The following ERBB4 variants were observed in gnomAD, a reference collection of about 807,000 sequenced individuals.
ERBB4 encodes the protein receptor tyrosine-protein kinase erbB-4.
Under a neutral mutation model 158.0 loss-of-function variants are expected in ERBB4, and 42 were observed. The observed-to-expected ratio is 0.27, with a 90% CI of 0.21 to 0.34. ERBB4 has a LOEUF of 0.34. Among genes scored for constraint, ERBB4 ranks in the 10% least tolerant of loss-of-function variants. ERBB4 has a pLI of 1.00. For missense variants in ERBB4, 1,333 were observed against 1,624.1 expected (o/e 0.82, Z 3.08); for synonymous variants, 583 against 558.7 (o/e 1.04, Z -0.61).
intron 1 of ERBB4, among the ~76,000 whole-genome samples, chr2:212,430,633 G>A (rs537208828): frequency 2.8e-4 from 42 of 151,858 alleles, no homozygotes; most frequent in African/African-American, 9.9e-4. Flanking sequence ...GTAGAGATGG[G>A]GTTTCACCAT....
intron 2 of ERBB4, among the ~76,000 whole-genome samples, chr2:212,003,194 A>ACGG (rs2076165783): frequency 2.8e-5 from 2 of 70,442 alleles, no homozygotes; most frequent in Admixed American, 1.6e-4. Context: ...AGAAAGAAAG[A>ACGG]AAGAAAGAAA....
At chr2:212,049,625 G>C (rs1293627241) in intron 2 of ERBB4, among the ~76,000 whole-genome samples, 1 of 152,068 alleles carries the variant, frequency 6.6e-6, no homozygotes, top group African/African-American at 2.4e-5. Context: ...AATGACATTT[G>C]TTTAAATAAA....
chr2:211,448,200 T>C (rs2064158682), intron 20 of ERBB4, among the ~76,000 whole-genome samples: 1 of 152,114 alleles, frequency 6.6e-6, no homozygotes. Flanking sequence ...CTCAAACTCC[T>C]GACCTCAAGT....
chr2:212,251,094 G>A (rs2084515508), intron 1 of ERBB4, among the ~76,000 whole-genome samples: 1 of 151,910 alleles, frequency 6.6e-6, no homozygotes, highest in Non-Finnish European at 1.5e-5. Context: ...CAAATTTTCT[G>A]AGTTGAAAAC....
At chr2:211,517,825 A>G (rs1224359036) in intron 20 of ERBB4, among the ~76,000 whole-genome samples, 1 of 152,108 alleles carries the variant, frequency 6.6e-6, no homozygotes, top group Non-Finnish European at 1.5e-5. Flanking sequence ...CACAAAATAG[A>G]GGAGGTAGAT....
At chr2:212,252,968 T>G (rs961020533) in intron 1 of ERBB4, among the ~76,000 whole-genome samples, 1 of 152,122 alleles carries the variant, frequency 6.6e-6, no homozygotes, top group Non-Finnish European at 1.5e-5. Context: ...GTGGGAAAAT[T>G]TGCATAACAT....
At chr2:211,943,236 A>C (rs2080555661) in intron 3 of ERBB4, among the ~76,000 whole-genome samples, 2 of 152,100 alleles carry the variant, frequency 1.3e-5, no homozygotes, top group African/African-American at 2.4e-5. Flanking sequence ...AATTCCTTTT[A>C]GGGTTTGGCC....
chr2:212,267,231 T>TA (rs2085168955), intron 1 of ERBB4, among the ~76,000 whole-genome samples: 1 of 152,092 alleles, frequency 6.6e-6, no homozygotes, highest in Admixed American at 6.6e-5. Flanking sequence ...ATAATGTTTG[T>TA]AAAATCAGAA....
chr2:212,221,192 T>A (rs962227677), intron 1 of ERBB4, among the ~76,000 whole-genome samples: 2 of 151,484 alleles, frequency 1.3e-5, no homozygotes, highest in African/African-American at 4.8e-5. Flanking sequence ...TTTATAGTGT[T>A]AGGGGCCACA....
chr2:212,080,936 C>T (rs2078424632), intron 2 of ERBB4, among the ~76,000 whole-genome samples: 1 of 152,140 alleles, frequency 6.6e-6, no homozygotes, highest in African/African-American at 2.4e-5. Context: ...TGATAGGTCA[C>T]TTAAAGGTGT....
chr2:211,746,458 G>T (rs933321026), intron 5 of ERBB4, among the ~76,000 whole-genome samples: 1 of 152,094 alleles, frequency 6.6e-6, no homozygotes, highest in African/African-American at 2.4e-5. Context: ...CACGTCTGAT[G>T]ATTTGATACA....
At chr2:211,849,211 T>C (rs1170336422) in intron 3 of ERBB4, among the ~76,000 whole-genome samples, 1 of 151,996 alleles carries the variant, frequency 6.6e-6, no homozygotes, top group African/African-American at 2.4e-5. Context: ...TTATAAATAG[T>C]ATGCATATAT....
In ERBB4 at chr2:211,831,969, T is replaced by C. The variant is rs755802017; in HGVS notation, c.422-43810A>G. Among the ~76,000 whole-genome samples, 8 of 152,190 alleles carry C rather than the reference T, an allele frequency of 5.3e-5. No individual in the cohort carries two copies. The South Asian group carries it at 1.2e-3, about 24-fold the overall frequency. The stretch of plus-strand genomic sequence containing the variant: ...TAAATCATCCATTTGTATTTCTTTT[T>C]AACTAGAAACTAGACCAGAAGTTCT... On this transcript the variant is annotated intron_variant, in intron 3 of 27. Coordinates refer to ENST00000342788, the MANE Select transcript of ERBB4 (RefSeq NM_005235.3).
chr2:212,152,105 C>G (rs916560108), intron 1 of ERBB4, among the ~76,000 whole-genome samples: 1 of 151,922 alleles, frequency 6.6e-6, no homozygotes, highest in African/African-American at 2.4e-5. Context: ...TCATAAGGCT[C>G]TATTGTTTTT....
chr2:211,978,388 G>GTCTTTCTATCTATCTATCTA (rs1230858327), intron 2 of ERBB4, among the ~76,000 whole-genome samples: 1 of 112,394 alleles, frequency 8.9e-6, no homozygotes. Context: ...CTGTCTGTCT[G>GTCTTTCTATCTATCTATCTA]TCTGTCTGTC....
At chr2:212,374,668 A>G (rs1002179563) in intron 1 of ERBB4, among the ~76,000 whole-genome samples, 6 of 152,030 alleles carry the variant, frequency 3.9e-5, no homozygotes, top group African/African-American at 1.4e-4. Flanking sequence ...GTGCCATAAG[A>G]CAAGTGAGAT....
At chr2:212,520,925 ATTCC>A (rs1248155899) in intron 1 of ERBB4, among the ~76,000 whole-genome samples, 3 of 151,944 alleles carry the variant, frequency 2.0e-5, no homozygotes, top group African/African-American at 7.2e-5. Flanking sequence ...CCTTTACCTG[ATTCC>A]TTAATAAATG....
At chr2:211,643,703 T>C (rs938042648) in intron 16 of ERBB4, among the ~76,000 whole-genome samples, 9 of 152,216 alleles carry the variant, frequency 5.9e-5, no homozygotes, top group Middle Eastern at 6.8e-3. Context: ...CTTCTGGTCA[T>C]TGACTAGGCT....
intron 1 of ERBB4, among the ~76,000 whole-genome samples, chr2:212,126,182 G>A (rs2079919350): frequency 6.6e-6 from 1 of 152,008 alleles, no homozygotes; most frequent in African/African-American, 2.4e-5. Flanking sequence ...TTAATTTTGT[G>A]GCTGGGCATG....
Sources: gnomAD v4.1 joint callset for allele counts (sites outside exome capture counted in the v4.1 genomes callset) on GRCh38, gnomAD v4.1.1 for gene constraint, MANE v1.5 for transcripts, NCBI Gene and HGNC (gene_info 2026-07-23, HGNC 2026-07-21) for gene names.